Variants in HTR1F observed in about 807,000 individuals in gnomAD.
HTR1F encodes the protein 5-hydroxytryptamine receptor 1F.
HTR1F carries 17 observed loss-of-function variants against 24.0 expected under a neutral mutation model. That is an observed-to-expected ratio of 0.71 (90% CI 0.48 to 1.06). The LOEUF (loss-of-function observed/expected upper bound fraction) is 1.06, where lower values mean the gene tolerates loss of function less well. HTR1F is among the 50% of genes least tolerant of loss of function. The probability of loss-of-function intolerance (pLI) is 0.00; values close to 1 mark genes in which losing one functional copy is unlikely to be tolerated. For synonymous variants in HTR1F, 186 were observed against 156.8 expected (o/e 1.19, Z -1.39); for missense variants, 391 against 427.8 (o/e 0.91, Z 0.76).
At chr3:87,941,815 T>C (rs1704575978) in intron 2 of HTR1F, among the ~76,000 whole-genome samples, 2 of 152,164 alleles carry the variant, frequency 1.3e-5, no homozygotes, top group Admixed American at 6.5e-5. Context: ...TAGCTGGGTA[T>C]AGAGGGACAA....
chr3:87,839,384 C>T (rs184491975), intron 2 of HTR1F, among the ~76,000 whole-genome samples: 1 of 151,970 alleles, frequency 6.6e-6, no homozygotes, highest in Non-Finnish European at 1.5e-5. Flanking sequence ...GGATTTACAC[C>T]TGAGTTCTGT....
chr3:87,875,421 G>A (rs1705648519), intron 2 of HTR1F, among the ~76,000 whole-genome samples: 1 of 151,570 alleles, frequency 6.6e-6, no homozygotes, highest in South Asian at 2.1e-4. Context: ...CTGCACTCCA[G>A]CCTGAGCTAC....
At chr3:87,809,922 T>C (rs1704132715) in intron 1 of HTR1F, among the ~76,000 whole-genome samples, 1 of 152,128 alleles carries the variant, frequency 6.6e-6, no homozygotes, top group African/African-American at 2.4e-5. Context: ...CAAAATATTA[T>C]TAAATTGTTT....
At chr3:87,875,327 GTA>G (rs527821284) in intron 2 of HTR1F, among the ~76,000 whole-genome samples, 127 of 151,966 alleles carry the variant, frequency 8.4e-4, no homozygotes, top group African/African-American at 2.9e-3. Flanking sequence ...GTGGCTGCCT[GTA>G]ATCCCAGCTA....
chr3:87,873,127 CACACACAG>C (rs567443125), intron 2 of HTR1F, among the ~76,000 whole-genome samples: 10,758 of 144,070 alleles, frequency 0.075, 452 homozygotes, highest in Middle Eastern at 0.1. Context: ...CACACACACA[CACACACAG>C]AGAGATTTAT....
intron 2 of HTR1F, among the ~76,000 whole-genome samples, chr3:87,875,311 A>G (rs1324176060): frequency 6.6e-6 from 1 of 151,868 alleles, no homozygotes; most frequent in Non-Finnish European, 1.5e-5. Flanking sequence ...CTAGCCAGGC[A>G]TGGTGGTGGC....
intron 2 of HTR1F, among the ~76,000 whole-genome samples, chr3:87,831,217 G>T (rs1704570430): frequency 6.6e-6 from 1 of 151,636 alleles, no homozygotes; most frequent in African/African-American, 2.4e-5. Flanking sequence ...ATGCTCCAAT[G>T]AAGTAATAAT....
rs565385931 is a variant in HTR1F at position 87,941,329 on chromosome 3, G to A, written c.-42-49379G>A. Among the ~76,000 whole-genome samples, 6 of 152,310 alleles carry A rather than the reference G, an allele frequency of 3.9e-5. 1 individual carries two copies. The East Asian group carries it at 5.8e-4, about 15-fold the overall frequency. ...CTTAGTTGCTTTAGGGTTTTGGGAT[G>A]AGCATAAGCCAGTATAGGCTGGATA... On this transcript the variant is annotated intron_variant, in intron 2 of 2. Transcript: ENST00000319595.
intron 2 of HTR1F, among the ~76,000 whole-genome samples, chr3:87,825,021 T>C (rs142725542): frequency 3.1e-4 from 47 of 152,360 alleles, no homozygotes; most frequent in Middle Eastern, 3.4e-3. Context: ...ATAGTGATTA[T>C]AAGAAGTATT....
chr3:87,841,921 AAG>A (rs1704815881), intron 2 of HTR1F, among the ~76,000 whole-genome samples: 3 of 115,246 alleles, frequency 2.6e-5, no homozygotes, highest in Non-Finnish European at 4.9e-5. Context: ...AAAAAAGAAA[AAG>A]AAAAAAAAAA....
At chr3:87,931,559 T>A (rs181620326) in intron 2 of HTR1F, among the ~76,000 whole-genome samples, 310 of 152,304 alleles carry the variant, frequency 2.0e-3, no homozygotes, top group African/African-American at 7.3e-3. Flanking sequence ...ATTGGGTATA[T>A]ACCCAGTAAT....
chr3:87,836,533 T>A (rs1415001343), intron 2 of HTR1F, among the ~76,000 whole-genome samples: 1 of 152,166 alleles, frequency 6.6e-6, no homozygotes, highest in Non-Finnish European at 1.5e-5. Context: ...TGAATAAAGG[T>A]GAAGCTACAG....
At chr3:87,941,453 G>C (rs1237001047) in intron 2 of HTR1F, among the ~76,000 whole-genome samples, 1 of 152,122 alleles carries the variant, frequency 6.6e-6, no homozygotes, top group African/African-American at 2.4e-5. Flanking sequence ...AAACCTTGTA[G>C]CCACAGGTAG....
At chr3:87,970,684 T>G (rs1362632656) in intron 2 of HTR1F, among the ~76,000 whole-genome samples, 1 of 152,206 alleles carries the variant, frequency 6.6e-6, no homozygotes, top group East Asian at 1.9e-4. Flanking sequence ...AAATTCACCC[T>G]TGTTTTCAAG....
chr3:87,863,198 G>A (rs116822581), intron 2 of HTR1F, among the ~76,000 whole-genome samples: 10 of 152,264 alleles, frequency 6.6e-5, no homozygotes, highest in Non-Finnish European at 8.8e-5. Context: ...GCAAAAGGTC[G>A]TCCAACCATA....
intron 2 of HTR1F, among the ~76,000 whole-genome samples, chr3:87,953,769 G>A (rs1434644284): frequency 6.6e-6 from 1 of 151,732 alleles, no homozygotes; most frequent in Admixed American, 6.6e-5. Flanking sequence ...CAATAGCCAA[G>A]ATATGGAATC....
chr3:87,983,235 T>C (rs1705590749), intron 2 of HTR1F, among the ~76,000 whole-genome samples: 1 of 151,990 alleles, frequency 6.6e-6, no homozygotes, highest in South Asian at 2.1e-4. Context: ...TATGTCAGGA[T>C]CCTAGAGGCC....
chr3:87,832,473 G>A (rs557545676), intron 2 of HTR1F, among the ~76,000 whole-genome samples: 58 of 152,006 alleles, frequency 3.8e-4, no homozygotes, highest in Non-Finnish European at 7.4e-4. Flanking sequence ...GACTACAGGC[G>A]CACGCCGCCA....
chr3:87,922,079 T>C (rs1704023569), intron 2 of HTR1F, among the ~76,000 whole-genome samples: 1 of 151,974 alleles, frequency 6.6e-6, no homozygotes, highest in South Asian at 2.1e-4. Flanking sequence ...TAGTTCTACT[T>C]TTAGTTTCTT....
Sources: gnomAD v4.1 joint callset for allele counts (sites outside exome capture counted in the v4.1 genomes callset) on GRCh38, gnomAD v4.1.1 for gene constraint, MANE v1.5 for transcripts, NCBI Gene and HGNC (gene_info 2026-07-23, HGNC 2026-07-21) for gene names.